Variants in TXNDC12 observed in about 807,000 individuals in gnomAD.
TXNDC12 encodes the protein thioredoxin domain containing 12.
A neutral mutation model predicts 24.2 loss-of-function variants in TXNDC12; 22 were observed. The observed-to-expected ratio is 0.91, with a 90% CI of 0.65 to 1.30. TXNDC12 has a LOEUF of 1.30. Ranked by LOEUF, TXNDC12 falls within the 50% of genes most tolerant of loss-of-function variation. The pLI is 0.00. For synonymous variants in TXNDC12, 58 were observed against 73.4 expected (o/e 0.79, Z 1.07); for missense variants, 184 against 205.8 (o/e 0.89, Z 0.65).
rs565913534 is a variant in TXNDC12 at position 52,020,748 on chromosome 1, A to C, written c.*185T>G. ...AAGAAAGTCTGCCACTCTCCGCTGGATCCACAAACATGCAGACCAGCTTCT... is the reference window on the plus strand; with the variant it reads ...AAGAAAGTCTGCCACTCTCCGCTGGCTCCACAAACATGCAGACCAGCTTCT... On this transcript the variant is annotated 3_prime_UTR_variant, in exon 7 of 7. Transcript: ENST00000371626. 1.3e-4 allele frequency: 70 copies of C among 547,478 alleles called. No individual in the cohort carries two copies. Among genetic ancestry groups the C allele is most frequent in the African/African-American group, 1.2e-3 (64 of 52,730 alleles). The allele number at this position is 547,478 out of a possible 1,614,324, so 33.9% of individuals were successfully genotyped here.
rs1460781529 is a variant in TXNDC12 at position 52,024,567 on chromosome 1, G to T, written c.298C>A (p.Pro100Thr). 4 of 1,610,894 alleles carry T rather than the reference G, an allele frequency of 2.5e-6. No homozygotes were observed. The highest frequency in any genetic ancestry group is 1.7e-5 in the Admixed American group (1 of 59,786). Residue 100 changes from proline (P) to threonine (T), a missense_variant, in exon 5 of 7, where the codon CCC (proline) becomes ACC (threonine). Coordinates refer to ENST00000371626, the MANE Select transcript of TXNDC12 (RefSeq NM_015913.4). Reference sequence around the variant, plus strand: ...TCAGGGCTGAAATCTTCATCTTTGGGTTCCTCTTCATCCTATTAAGATTAA... The same window carrying T: ...TCAGGGCTGAAATCTTCATCTTTGGTTTCCTCTTCATCCTATTAAGATTAA... ...VMVNLEDEEE[P>T]KDEDFSPDGG...
chr1:52,034,033 T>C (rs983663381), intron 2 of TXNDC12: 3 of 1,382,228 alleles, frequency 2.2e-6, no homozygotes, highest in Non-Finnish European at 2.8e-6. Context: ...AGACTGCCCG[T>C]CCATTTTATT....
intron 1 of TXNDC12, among the ~76,000 whole-genome samples, chr1:52,051,247 T>C (rs181671058): frequency 6.6e-6 from 1 of 152,230 alleles, no homozygotes; most frequent in Non-Finnish European, 1.5e-5. Context: ...TTTGGAACTC[T>C]ATAGAACGTT....
At chr1:52,029,319 G>A (rs191871145) in intron 2 of TXNDC12, among the ~76,000 whole-genome samples, 13 of 148,222 alleles carry the variant, frequency 8.8e-5, no homozygotes, top group African/African-American at 2.9e-4. Flanking sequence ...AGTTTTCTGT[G>A]GATGATGGGA....
At position 52,027,256 on chromosome 1, in the gene TXNDC12, G is replaced by T; in HGVS notation, c.285+19C>A. 1 of 1,572,720 alleles carries T rather than the reference G, an allele frequency of 6.4e-7. No individual in the cohort carries two copies. Among genetic ancestry groups the T allele is most frequent in the South Asian group, 1.1e-5 (1 of 89,278 alleles). On this transcript the variant is annotated intron_variant, in intron 4 of 6. Transcript: ENST00000371626. ...AGTCTTAAAATCATAGCAGAAAGGA[G>T]AAACTCTCAAAGTCTTACCTCAAGA... is the stretch of plus-strand genomic sequence containing the variant.
intron 2 of TXNDC12, among the ~76,000 whole-genome samples, chr1:52,038,951 T>TA (rs1390895654): frequency 6.7e-6 from 1 of 148,874 alleles, no homozygotes; most frequent in Non-Finnish European, 1.5e-5. Context: ...GATTTATCTT[T>TA]AAAAAAATTT....
chr1:52,027,410 G>T, intron 3 of TXNDC12, 62 bp from the exon 4 acceptor site: 2 of 1,211,998 alleles, frequency 1.7e-6, no homozygotes, highest in South Asian at 2.5e-5. Flanking sequence ...AAACCTTAAC[G>T]AACATAAGCA....
At chr1:52,050,460 T>A (rs1235273367) in intron 1 of TXNDC12, among the ~76,000 whole-genome samples, 1 of 152,170 alleles carries the variant, frequency 6.6e-6, no homozygotes, top group Admixed American at 6.5e-5. Context: ...AGCAACCATT[T>A]CTAAACACAG....
chr1:52,056,154 C>T (rs1686341708), upstream of TXNDC12: 1 of 152,352 alleles, frequency 6.6e-6, no homozygotes, highest in South Asian at 2.0e-4. Flanking sequence ...GCCACCTGCA[C>T]CTGCCGCCAC....
At chr1:52,052,914 A>G (rs1686244512) in intron 1 of TXNDC12, among the ~76,000 whole-genome samples, 1 of 152,140 alleles carries the variant, frequency 6.6e-6, no homozygotes. Context: ...AAACTTGCCC[A>G]AGGCTACTCA....
At chr1:52,034,874 C>T (rs577657644) in intron 2 of TXNDC12, among the ~76,000 whole-genome samples, 7 of 152,300 alleles carry the variant, frequency 4.6e-5, no homozygotes, top group Non-Finnish European at 7.4e-5. Context: ...AGCGATTCTC[C>T]TGTCTCAGCC....
Position 52,032,767 on chromosome 1 carries a change from T to C in TXNDC12, c.159-4137A>G, listed in dbSNP as rs1177465938. ...TTGCGGCAAGTTCTCATTGTTGGGA[T>C]GCATTTTAGTGTACGAAATAAACTG... On this transcript the variant is annotated intron_variant, in intron 2 of 6. Transcript: ENST00000371626. 49 of 1,613,992 alleles carry C rather than the reference T, an allele frequency of 3.0e-5. 1 individual carries two copies. Among genetic ancestry groups the C allele is most frequent in the Non-Finnish European group, 3.6e-5 (42 of 1,180,022 alleles).
intron 1 of TXNDC12, among the ~76,000 whole-genome samples, chr1:52,042,534 C>T (rs1400839232): frequency 6.6e-6 from 1 of 150,976 alleles, no homozygotes. Flanking sequence ...GATCTTGGCT[C>T]ACTGCAACCT....
intron 1 of TXNDC12, among the ~76,000 whole-genome samples, chr1:52,045,520 A>G (rs1327297887): frequency 1.3e-5 from 2 of 152,238 alleles, no homozygotes; most frequent in East Asian, 3.8e-4. Context: ...ATCCACAAGA[A>G]GAAACCAACC....
At chr1:52,027,783 ATATGTTATG>A (rs991338644) in intron 3 of TXNDC12, among the ~76,000 whole-genome samples, 7 of 149,520 alleles carry the variant, frequency 4.7e-5, no homozygotes, top group Non-Finnish European at 5.9e-5. Context: ...TATATGTTAT[ATATGTTATG>A]TATATATGTG....
rs1311356640 is a variant in TXNDC12 at position 52,027,325 on chromosome 1, AT to A, written c.234del (p.Glu78AspfsTer15). 8.7e-6 allele frequency: 14 copies of A among 1,613,566 alleles called. No individual in the cohort carries two copies. The Admixed American group carries it at 2.3e-4, about 27-fold the overall frequency. Reference sequence around the variant, plus strand: ...TGGGAGAGTTCTGAAATTTCCGTAGATTCTGCAAATTTGGGCTTTAGAGCTG... The same window carrying A: ...TGGGAGAGTTCTGAAATTTCCGTAGATCTGCAAATTTGGGCTTTAGAGCTG... Reference protein sequence around the residue: ...ACKALKPKFAESTEISELSHN... With the variant: ...ACKALKPKFAXSTEISELSHN... On this transcript the variant is annotated frameshift_variant, in exon 4 of 7. Coordinates refer to ENST00000371626, the MANE Select transcript of TXNDC12 (RefSeq NM_015913.4). LOFTEE classifies it high-confidence loss of function.
intron 5 of TXNDC12, 48 bp from the exon 6 acceptor site, chr1:52,023,622 A>G (rs1557989749): frequency 6.9e-7 from 1 of 1,451,618 alleles, no homozygotes; most frequent in South Asian, 1.1e-5. Context: ...TACAACAGAC[A>G]GGTACTTCAA....
chr1:52,027,458 T>C lies in TXNDC12; in HGVS notation c.212-110A>G. 8.3e-6 allele frequency: 7 copies of C among 840,648 alleles called. No individual in the cohort carries two copies. The South Asian group carries it at 9.9e-5, about 12-fold the overall frequency. 52.1% of individuals were successfully genotyped at this position (840,648 alleles called of 1,614,324 possible). ...TTTGGTAGTTTAGGCATTTGTTTAG[T>C]TGATTCATATAACAAACTTTTTTTA... On this transcript the variant is annotated intron_variant, in intron 3 of 6. Coordinates refer to ENST00000371626, the MANE Select transcript of TXNDC12 (RefSeq NM_015913.4).
chr1:52,020,160 TG>T lies in TXNDC12; in HGVS notation c.*772del, dbSNP rs1685570947. On this transcript the variant is annotated 3_prime_UTR_variant, in exon 7 of 7. Coordinates refer to ENST00000371626, the MANE Select transcript of TXNDC12 (RefSeq NM_015913.4). ...CTTTTAAAGTTTTATTAAAGTTTAA[TG>T]GTACAATATTTTATCTCTTTTTTTG... The T allele has an allele frequency of 5.5e-6, 1 of 182,492 alleles. No individual in the cohort carries two copies. Among genetic ancestry groups the T allele is most frequent in the African/African-American group, 2.3e-5 (1 of 42,570 alleles). The allele number at this position is 182,492 out of a possible 1,614,324, so 11.3% of individuals were successfully genotyped here.
Sources: allele counts gnomAD v4.1 joint callset (sites outside exome capture counted in the v4.1 genomes callset), GRCh38; gene constraint gnomAD v4.1.1; transcripts MANE v1.5; gene names NCBI Gene and HGNC (gene_info 2026-07-23, HGNC 2026-07-21).